Variants in GABRA4 observed in about 807,000 individuals in gnomAD.
GABRA4 encodes the protein gamma-aminobutyric acid receptor subunit alpha-4.
In GABRA4, 12 loss-of-function variants were observed where a neutral mutation model predicts 49.7. The ratio of observed to expected loss-of-function variants is 0.24; its 90% CI spans 0.15 to 0.39. The LOEUF (loss-of-function observed/expected upper bound fraction) is 0.39. GABRA4 is among the 10% of genes least tolerant of loss of function. The probability of loss-of-function intolerance (pLI) is 1.00; values close to 1 mark genes in which losing one functional copy is unlikely to be tolerated. For missense variants in GABRA4, 506 were observed against 686.0 expected, an observed-to-expected ratio of 0.74 and a Z score of 2.93; for synonymous variants, 288 against 240.2, an observed-to-expected ratio of 1.20 and a Z score of -1.84.
At chr4:46,934,334 G>T (rs528124825) in intron 8 of GABRA4, among the ~76,000 whole-genome samples, 7 of 152,264 alleles carry the variant, frequency 4.6e-5, no homozygotes, top group African/African-American at 1.7e-4. Context: ...TGGTAGAGCA[G>T]CTAGAACTAA....
intron 3 of GABRA4, among the ~76,000 whole-genome samples, chr4:46,977,831 C>T (rs1723200638): frequency 6.6e-6 from 1 of 152,040 alleles, no homozygotes; most frequent in East Asian, 1.9e-4. Flanking sequence ...ATCTTGATAC[C>T]TTCATCTTCT....
intron 2 of GABRA4, chr4:46,992,623 A>T (rs2109415396): frequency 3.5e-6 from 2 of 575,152 alleles, no homozygotes; most frequent in Admixed American, 5.9e-5. Flanking sequence ...GGAGAGGCAA[A>T]GCTTCTGAGG....
At chr4:46,945,419 A>T (rs1721950464) in intron 8 of GABRA4, among the ~76,000 whole-genome samples, 1 of 152,138 alleles carries the variant, frequency 6.6e-6, no homozygotes, top group Admixed American at 6.6e-5. Flanking sequence ...GGGATGAGAA[A>T]TATGAGCCTG....
intron 8 of GABRA4, among the ~76,000 whole-genome samples, chr4:46,959,770 A>G (rs1463503669): frequency 2.0e-5 from 3 of 148,504 alleles, no homozygotes; most frequent in Non-Finnish European, 4.5e-5. Context: ...AAAAAAAAAA[A>G]AAAAAAGAAA....
rs1295869808 is a variant in GABRA4 at position 46,924,806 on chromosome 4, A to G, written c.*3419T>C. ...TTACAAGAGTATGCTTGTATTTACT[A>G]TGAGAATCAGAGAGTATTAAAACTG... On this transcript the variant is annotated 3_prime_UTR_variant, in exon 9 of 9. Coordinates refer to ENST00000264318, the MANE Select transcript of GABRA4 (RefSeq NM_000809.4). 2 of 152,152 alleles carry G rather than the reference A, an allele frequency of 1.3e-5. No individual in the cohort carries two copies. The highest frequency in any genetic ancestry group is 6.6e-5 in the Admixed American group (1 of 15,250). 9.4% of individuals were successfully genotyped at this position (152,152 alleles called of 1,614,324 possible).
intron 7 of GABRA4, 62 bp from the exon 8 acceptor site, chr4:46,965,291 C>A: frequency 7.6e-7 from 1 of 1,310,558 alleles, no homozygotes; most frequent in Non-Finnish European, 1.0e-6. Flanking sequence ...AAAAGCACCG[C>A]CACCACCAAC....
At chr4:46,933,308 G>A (rs1006983019) in intron 8 of GABRA4, among the ~76,000 whole-genome samples, 4 of 152,078 alleles carry the variant, frequency 2.6e-5, no homozygotes, top group African/African-American at 9.7e-5. Context: ...ATTAGAAAGT[G>A]TCAAAAATTT....
chr4:46,950,633 G>A (rs1045046009), intron 8 of GABRA4, among the ~76,000 whole-genome samples: 10 of 151,584 alleles, frequency 6.6e-5, no homozygotes, highest in African/African-American at 2.2e-4. Flanking sequence ...GGAAGAAGCA[G>A]CATGTGAAAG....
intron 2 of GABRA4, among the ~76,000 whole-genome samples, chr4:46,983,706 T>C (rs755580877): frequency 3.3e-5 from 5 of 152,096 alleles, no homozygotes; most frequent in Non-Finnish European, 7.4e-5. Context: ...CTTCCTCTAA[T>C]ACGACAGTTT....
chr4:46,957,091 A>G (rs997070), intron 8 of GABRA4, among the ~76,000 whole-genome samples: 79,093 of 151,716 alleles, frequency 0.52, 20,936 homozygotes, highest in East Asian at 0.7. Flanking sequence ...ACTGGTCACT[A>G]AGCACTGTAC....
chr4:46,974,771 A>G (rs1452852173), intron 5 of GABRA4, among the ~76,000 whole-genome samples: 1 of 151,910 alleles, frequency 6.6e-6, no homozygotes, highest in African/African-American at 2.4e-5. Flanking sequence ...CTTGACCAAT[A>G]CCATCCTAAC....
chr4:46,945,323 T>A (rs1016965782), intron 8 of GABRA4, among the ~76,000 whole-genome samples: 2 of 152,214 alleles, frequency 1.3e-5, no homozygotes, highest in African/African-American at 4.8e-5. Context: ...AACTCCTACA[T>A]CAACCTGCAC....
At chr4:46,969,637 A>T (rs1722881281) in intron 7 of GABRA4, among the ~76,000 whole-genome samples, 1 of 151,534 alleles carries the variant, frequency 6.6e-6, no homozygotes, top group Non-Finnish European at 1.5e-5. Flanking sequence ...AATTAATACG[A>T]ACTAAGTGGT....
intron 8 of GABRA4, among the ~76,000 whole-genome samples, chr4:46,942,659 CT>C (rs1400938050): frequency 6.6e-6 from 1 of 151,292 alleles, no homozygotes; most frequent in East Asian, 1.9e-4. Flanking sequence ...GTCTTACATA[CT>C]GTCTCAGTAT....
chr4:46,968,771 C>T (rs1215902338), intron 7 of GABRA4, among the ~76,000 whole-genome samples: 1 of 151,432 alleles, frequency 6.6e-6, no homozygotes, highest in African/African-American at 2.4e-5. Flanking sequence ...TTCCCCACAC[C>T]ACTGGAAATT....
chr4:46,922,905 G>A lies in GABRA4; in HGVS notation c.*5320C>T, dbSNP rs1271148924. 2 of 152,136 alleles carry A rather than the reference G, an allele frequency of 1.3e-5. No homozygotes were observed. Among genetic ancestry groups the A allele is most frequent in the African/African-American group, 4.8e-5 (2 of 41,432 alleles). 9.4% of individuals were successfully genotyped at this position (152,136 alleles called of 1,614,324 possible). A position where few individuals can be genotyped will look rare whatever the true frequency, so the allele number is the denominator to read the frequency against. ...ACCAGTACTTATCCATGACCTGTTA[G>A]GAATTGGGCAGCACAACAGGAGGTG... On this transcript the variant is annotated 3_prime_UTR_variant, in exon 9 of 9. Transcript: ENST00000264318.
chr4:46,921,509 T>C lies in GABRA4; in HGVS notation c.*6716A>G, dbSNP rs563610782. ...ATTTATTTTTTATACAGGAGTTCTTTCTATCAGCTTCCTAGTCCTTCTCAA... is the reference window on the plus strand; with the variant it reads ...ATTTATTTTTTATACAGGAGTTCTTCCTATCAGCTTCCTAGTCCTTCTCAA... On this transcript the variant is annotated 3_prime_UTR_variant, in exon 9 of 9. Transcript: ENST00000264318. The C allele has an allele frequency of 2.6e-5, 4 of 152,062 alleles. No homozygotes were observed. Among genetic ancestry groups the C allele is most frequent in the Admixed American group, 1.3e-4 (2 of 15,254 alleles). The allele number at this position is 152,062 out of a possible 1,614,324, so 9.4% of individuals were successfully genotyped here.
chr4:46,933,428 G>A (rs1721508686), intron 8 of GABRA4, among the ~76,000 whole-genome samples: 1 of 152,166 alleles, frequency 6.6e-6, no homozygotes, highest in Non-Finnish European at 1.5e-5. Context: ...AAGTCTGGCT[G>A]AGAATGCCTT....
In GABRA4 at chr4:46,939,003, G is replaced by A. The variant is rs183752435; in HGVS notation, c.1135-10248C>T. Among the ~76,000 whole-genome samples the A allele has an allele frequency of 6.9e-4, 105 of 152,110 alleles. 1 individual carries two copies. The highest frequency in any genetic ancestry group is 2.4e-3 in the African/African-American group (98 of 41,530). ...GAATACATTACCCAGCCTGGGAGAT[G>A]GGAAAACCTCTTTGTGGAAGTAATA... On this transcript the variant is annotated intron_variant, in intron 8 of 8. Transcript: ENST00000264318.
Sources: gnomAD v4.1 joint callset for allele counts (sites outside exome capture counted in the v4.1 genomes callset) on GRCh38, gnomAD v4.1.1 for gene constraint, MANE v1.5 for transcripts, NCBI Gene and HGNC (gene_info 2026-07-23, HGNC 2026-07-21) for gene names.